PDSS1: variants seen among roughly 807,000 people sequenced by gnomAD.
PDSS1 encodes decaprenyl diphosphate synthase subunit 1.
PDSS1 carries 43 observed loss-of-function variants against 57.5 expected under a neutral mutation model. That is an observed-to-expected ratio of 0.75 (90% CI 0.59 to 0.96). The LOEUF (loss-of-function observed/expected upper bound fraction) is 0.96, where lower values mean the gene tolerates loss of function less well. PDSS1 is among the 50% of genes least tolerant of loss of function. The probability of loss-of-function intolerance (pLI) is 0.00; values close to 1 mark genes in which losing one functional copy is unlikely to be tolerated. For synonymous variants in PDSS1, 175 were observed against 191.3 expected, an observed-to-expected ratio of 0.91 and a Z score of 0.70; for missense variants, 438 against 527.8, an observed-to-expected ratio of 0.83 and a Z score of 1.67.
At chr10:26,723,008 G>C (rs1489867747) in intron 6 of PDSS1, among the ~76,000 whole-genome samples, 1 of 151,230 alleles carries the variant, frequency 6.6e-6, no homozygotes, top group Non-Finnish European at 1.5e-5. Flanking sequence ...AACATGTATC[G>C]TGCCATGCTC....
rs115460991 is a variant in PDSS1 at position 26,746,488 on chromosome 10, C to A, written c.*15C>A. On this transcript the variant is annotated 3_prime_UTR_variant, in exon 12 of 12. Transcript: ENST00000376215. ...GAGATAAATGACAACTCTTTCTGTT[C>A]TTTCTGGCAGCTATCTTACCAGACT... is the stretch of plus-strand genomic sequence containing the variant. The A allele has an allele frequency of 7.9e-5, 128 of 1,613,790 alleles. No individual in the cohort carries two copies. The African/African-American group carries it at 1.5e-3, about 19-fold the overall frequency.
intron 9 of PDSS1, 64 bp from the exon 10 acceptor site, chr10:26,735,402 T>C (rs1836360864): frequency 7.2e-7 from 1 of 1,390,826 alleles, no homozygotes. Context: ...GTCAAAATAG[T>C]AAGAACGATG....
chr10:26,738,899 T>C (rs1275775320), intron 10 of PDSS1, among the ~76,000 whole-genome samples: 1 of 152,250 alleles, frequency 6.6e-6, no homozygotes, highest in African/African-American at 2.4e-5. Flanking sequence ...CGTCCTCCCA[T>C]GTACGTATGT....
In PDSS1 at chr10:26,702,160, A is replaced by G. The variant is rs752912769; in HGVS notation, c.130-2A>G. 6.6e-6 allele frequency: 3 copies of G among 456,164 alleles called. No homozygotes were observed. Among genetic ancestry groups the G allele is most frequent in the South Asian group, 1.6e-5 (1 of 64,222 alleles). The allele number at this position is 456,164 out of a possible 1,614,324, so 28.3% of individuals were successfully genotyped here. On this transcript the variant is annotated splice_acceptor_variant, in intron 1 of 11. Coordinates refer to ENST00000376215, the MANE Select transcript of PDSS1 (RefSeq NM_014317.5). LOFTEE classifies it high-confidence loss of function. The stretch of plus-strand genomic sequence containing the variant: ...TAACGTAACTTGTTTTTGATTTTAC[A>G]GGTTCATAGGCGGAAGGGACTTGAC...
At chr10:26,709,590 C>G (rs1835354801) in intron 4 of PDSS1, 48 bp from the exon 5 acceptor site, 12 of 1,590,794 alleles carry the variant, frequency 7.5e-6, no homozygotes, top group Non-Finnish European at 8.6e-6. Flanking sequence ...TGTTGGCTTT[C>G]TGTGCAGTTT....
At chr10:26,728,565 T>C (rs936615151) in intron 8 of PDSS1, among the ~76,000 whole-genome samples, 1 of 152,196 alleles carries the variant, frequency 6.6e-6, no homozygotes, top group Admixed American at 6.5e-5. Flanking sequence ...GCAAAGTATT[T>C]TCAGATTATG....
chr10:26,733,966 C>T (rs1291034391), intron 8 of PDSS1, among the ~76,000 whole-genome samples: 3 of 152,044 alleles, frequency 2.0e-5, no homozygotes, highest in Non-Finnish European at 4.4e-5. Flanking sequence ...AGAGTGAGAC[C>T]CTATTTCTAA....
Position 26,746,495 on chromosome 10 carries a change from GCA to G in PDSS1, c.*23_*24del, listed in dbSNP as rs773653686. ...ATGACAACTCTTTCTGTTCTTTCTG[GCA>G]GCTATCTTACCAGACTGTGCCTAAA... On this transcript the variant is annotated 3_prime_UTR_variant, in exon 12 of 12. Transcript: ENST00000376215. 6.2e-7 allele frequency: 1 copy of G among 1,613,432 alleles called. No individual in the cohort carries two copies.
rs1836658263 is a variant in PDSS1 at position 26,742,487 on chromosome 10, T to C, written c.1027-10T>C. 1.2e-6 allele frequency: 2 copies of C among 1,600,480 alleles called. No individual in the cohort carries two copies. The highest frequency in any genetic ancestry group is 1.7e-6 in the Non-Finnish European group (2 of 1,168,778). On this transcript the variant is annotated splice_polypyrimidine_tract_variant and intron_variant, in intron 10 of 11. Transcript: ENST00000376215. ...TAGATTTTCTCAGATTTTCTCTCTT[T>C]TTTTGTTAGTTCCCAGAAATGAATG... is the stretch of plus-strand genomic sequence containing the variant.
rs578152532 is a variant in PDSS1, at chr10:26,734,581, A to C, written c.832-659A>C. On this transcript the variant is annotated intron_variant, in intron 8 of 11. Transcript: ENST00000376215. ...AAAGGAGGGAAAAGGGTTTTTATAC[A>C]GTTACTTCTTTTGAGAGAAATGTGG... 1.5e-4 allele frequency: 67 copies of C among 432,758 alleles called. 2 individuals carry two copies. The highest frequency in any genetic ancestry group is 1.0e-3 in the South Asian group (63 of 61,806). 26.8% of individuals were successfully genotyped at this position (432,758 alleles called of 1,614,324 possible).
chr10:26,705,772 G>A (rs1835192150), intron 4 of PDSS1, among the ~76,000 whole-genome samples: 2 of 152,320 alleles, frequency 1.3e-5, no homozygotes, highest in Admixed American at 6.5e-5. Flanking sequence ...CAGGTTTTCA[G>A]ATCTGTACAA....
chr10:26,700,164 AT>A (rs35440404), intron 1 of PDSS1, among the ~76,000 whole-genome samples: 35 of 148,578 alleles, frequency 2.4e-4, no homozygotes, highest in Middle Eastern at 3.6e-3. Flanking sequence ...TATATCTTTG[AT>A]TTTTTTTTTT....
intron 10 of PDSS1, among the ~76,000 whole-genome samples, chr10:26,735,798 C>T (rs1836375824): frequency 6.6e-6 from 1 of 152,148 alleles, no homozygotes; most frequent in Non-Finnish European, 1.5e-5. Flanking sequence ...AGAAGATCAC[C>T]TTTCTCCCAG....
Position 26,743,910 on chromosome 10 carries a change from A to T in PDSS1, c.1107+1333A>T, listed in dbSNP as rs895568309. 3.3e-5 allele frequency among the ~76,000 whole-genome samples: 5 copies of T among 152,110 alleles called. No homozygotes were observed. The East Asian group carries it at 5.8e-4, about 18-fold the overall frequency. ...ACCAAAATAACAGGGGGAAAAAAAA[A>T]CAGGAAAAACGTAAATAGGAGGATC... On this transcript the variant is annotated intron_variant, in intron 11 of 11. Transcript: ENST00000376215.
intron 10 of PDSS1, among the ~76,000 whole-genome samples, chr10:26,736,301 A>T (rs1836398936): frequency 6.6e-6 from 1 of 152,194 alleles, no homozygotes; most frequent in South Asian, 2.1e-4. Context: ...AATAAGTGAG[A>T]CATTAGCTGG....
chr10:26,723,489 C>T lies in PDSS1; in HGVS notation c.610-317C>T, dbSNP rs12241021. 0.021 allele frequency among the ~76,000 whole-genome samples: 3,147 copies of T among 151,926 alleles called. 108 individuals are homozygous for T. Among genetic ancestry groups the T allele is most frequent in the African/African-American group, 0.071 (2,935 of 41,414 alleles). On this transcript the variant is annotated intron_variant, in intron 6 of 11. Transcript: ENST00000376215. Reference sequence around the variant, plus strand: ...TCAAGTACTGTCCCAAATCTGTAACCGATTATTAGAAACTGGGAAGAGTGA... The same window carrying T: ...TCAAGTACTGTCCCAAATCTGTAACTGATTATTAGAAACTGGGAAGAGTGA...
chr10:26,709,882 G>T, intron 5 of PDSS1, 114 bp downstream of exon 5: 2 of 1,136,514 alleles, frequency 1.8e-6, no homozygotes, highest in South Asian at 2.5e-5. Context: ...GCTGGGCATG[G>T]TGGCTCATGC....
chr10:26,708,249 C>T (rs961161023), intron 4 of PDSS1, among the ~76,000 whole-genome samples: 8 of 152,198 alleles, frequency 5.3e-5, no homozygotes, highest in Non-Finnish European at 1.0e-4. Context: ...TTCACCTGTG[C>T]CGAGCTGAGG....
At position 26,713,269 on chromosome 10, in the gene PDSS1, G is replaced by C. The variant is rs142737745; in HGVS notation, c.467+3501G>C. ...ATCACGCCATTGCATTCCATCCTGG[G>C]AACAGAGCAAGACTCCGTCTCAAAA... On this transcript the variant is annotated intron_variant, in intron 5 of 11. Coordinates refer to ENST00000376215, the MANE Select transcript of PDSS1 (RefSeq NM_014317.5). Among the ~76,000 whole-genome samples the C allele has an allele frequency of 2.3e-3, 343 of 151,158 alleles. 3 individuals are homozygous for C. Among genetic ancestry groups the C allele is most frequent in the African/African-American group, 7.8e-3 (323 of 41,204 alleles).
Sources: gnomAD v4.1 joint callset for allele counts (sites outside exome capture counted in the v4.1 genomes callset) on GRCh38, gnomAD v4.1.1 for gene constraint, MANE v1.5 for transcripts, NCBI Gene and HGNC (gene_info 2026-07-23, HGNC 2026-07-21) for gene names.